BDNF: variants seen among roughly 807,000 people sequenced by gnomAD.
BDNF encodes brain derived neurotrophic factor.
Under a neutral mutation model 19.5 loss-of-function variants are expected in BDNF, and 1 was observed. The observed-to-expected ratio is 0.05, with a 90% CI of 0.02 to 0.24. BDNF has a LOEUF of 0.24. Ranked by LOEUF, BDNF falls within the 10% of genes least tolerant of loss-of-function variation. The pLI, the probability that BDNF is intolerant of heterozygous loss-of-function variation, is 1.00. For missense variants in BDNF, 195 were observed against 317.6 expected, an observed-to-expected ratio of 0.61 and a Z score of 2.93; for synonymous variants, 100 against 121.6, an observed-to-expected ratio of 0.82 and a Z score of 1.17.
In BDNF at chr11:27,656,508, C is replaced by T; in HGVS notation, c.*1313G>A. 1 of 979,404 alleles carries T rather than the reference C, an allele frequency of 1.0e-6. No individual in the cohort carries two copies. The highest frequency in any genetic ancestry group is 1.2e-6 in the Non-Finnish European group (1 of 824,128). The allele number at this position is 979,404 out of a possible 1,614,324, so 60.7% of individuals were successfully genotyped here. On this transcript the variant is annotated 3_prime_UTR_variant, in exon 2 of 2. Coordinates refer to ENST00000356660, the MANE Select transcript of BDNF (RefSeq NM_001709.5). ...CCTTCGTTTTGGAATGTCTCAAATA[C>T]CATGCCCCACCTCCACCTAGACCTT...
Position 27,656,519 on chromosome 11 carries a change from C to T in BDNF, c.*1302G>A. The T allele has an allele frequency of 1.0e-6, 1 of 983,682 alleles. No individual in the cohort carries two copies. The highest frequency in any genetic ancestry group is 1.2e-6 in the Non-Finnish European group (1 of 827,970). The allele number at this position is 983,682 out of a possible 1,614,324, so 60.9% of individuals were successfully genotyped here. Reference sequence around the variant, plus strand: ...GAATGTCTCAAATACCATGCCCCACCTCCACCTAGACCTTGGGATGGCCAC... The same window carrying T: ...GAATGTCTCAAATACCATGCCCCACTTCCACCTAGACCTTGGGATGGCCAC... On this transcript the variant is annotated 3_prime_UTR_variant, in exon 2 of 2. Coordinates refer to ENST00000356660, the MANE Select transcript of BDNF (RefSeq NM_001709.5).
chr11:27,720,847 G>A (rs1489188932), intron 1 of BDNF: 2 of 861,050 alleles, frequency 2.3e-6, no homozygotes, highest in Non-Finnish European at 2.8e-6. Context: ...AAGCCATCCT[G>A]TTAATAGTTG....
intron 1 of BDNF, chr11:27,676,025 C>G (rs1351479229): frequency 6.6e-6 from 1 of 152,252 alleles, no homozygotes; most frequent in Non-Finnish European, 1.5e-5. Context: ...GCACAAAAGA[C>G]AGAACACCTT....
At chr11:27,673,956 C>A in intron 1 of BDNF, 5 of 1,334,162 alleles carry the variant, frequency 3.7e-6, no homozygotes, top group Non-Finnish European at 5.0e-6. Flanking sequence ...AGGTAAGTTG[C>A]CTCTAGAGAC....
chr11:27,707,046 T>C (rs887249008), intron 1 of BDNF, among the ~76,000 whole-genome samples: 5 of 152,228 alleles, frequency 3.3e-5, no homozygotes, highest in Non-Finnish European at 7.3e-5. Context: ...TGTGCTTTCA[T>C]ATTCTCAGGT....
chr11:27,657,957 T>A lies in BDNF; in HGVS notation c.608A>T (p.His203Leu). 2 of 1,614,158 alleles carry A rather than the reference T, an allele frequency of 1.2e-6. No homozygotes were observed. Among genetic ancestry groups the A allele is most frequent in the South Asian group, 2.2e-5 (2 of 91,078 alleles). The part of the protein sequence containing the change: ...KEGCRGIDKR[H>L]WNSQCRTTQS... The stretch of plus-strand genomic sequence containing the variant: ...GGTAGTTCGGCACTGGGAGTTCCAA[T>A]GCCTTTTGTCTATGCCCCTGCAGCC... Residue 203 changes from histidine to leucine, a missense_variant, in exon 2 of 2, where the codon CAT becomes CTT. Around this residue, in one of 2 missense-constraint regions of BDNF, gnomAD observed 71 missense variants for 162.6 expected, o/e 0.44. Transcript: ENST00000356660. The surrounding 1 kb of genome is among the most constrained non-coding windows in gnomAD (Gnocchi z 5.0).
At chr11:27,705,935 G>GT (rs1860090319) in intron 1 of BDNF, among the ~76,000 whole-genome samples, 1 of 152,208 alleles carries the variant, frequency 6.6e-6, no homozygotes, top group Non-Finnish European at 1.5e-5. Context: ...GGACATAAGA[G>GT]TTGTATTTTA....
chr11:27,657,235 A>AAAAC lies in BDNF; in HGVS notation c.*582_*585dup, dbSNP rs972055807. 1.0e-6 allele frequency: 1 copy of AAAAC among 986,828 alleles called. No individual in the cohort carries two copies. Among genetic ancestry groups the AAAAC allele is most frequent in the Non-Finnish European group, 1.2e-6 (1 of 830,462 alleles). The allele number at this position is 986,828 out of a possible 1,614,324, so 61.1% of individuals were successfully genotyped here. ...CTACTCCCTGTGGGAACTAAAAAAC[A>AAAAC]AAACAAACAAACGAAAAAAAAACAC... is the stretch of plus-strand genomic sequence containing the variant. On this transcript the variant is annotated 3_prime_UTR_variant, in exon 2 of 2. Coordinates refer to ENST00000356660, the MANE Select transcript of BDNF (RefSeq NM_001709.5). The surrounding 1 kb of genome is among the most constrained non-coding windows in gnomAD (Gnocchi z 5.0).
At chr11:27,683,949 A>G (rs907213936) in intron 1 of BDNF, among the ~76,000 whole-genome samples, 20 of 152,082 alleles carry the variant, frequency 1.3e-4, no homozygotes, top group African/African-American at 4.6e-4. Flanking sequence ...AAGAAAGTCA[A>G]TGGTAGCTTG....
chr11:27,721,606 C>T (rs1860740475), exon 1 of BDNF: 1 of 659,044 alleles, frequency 1.5e-6, no homozygotes, highest in East Asian at 2.7e-5. Flanking sequence ...CTCTCAACCA[C>T]CTTGGCGACT....
intron 1 of BDNF, chr11:27,677,644 T>C (rs1856331026): frequency 6.6e-6 from 1 of 152,166 alleles, no homozygotes; most frequent in Admixed American, 6.5e-5. Flanking sequence ...ATACAAATGA[T>C]CACCTTATAG....
chr11:27,696,867 C>G (rs1287102094), intron 1 of BDNF, among the ~76,000 whole-genome samples: 1 of 152,110 alleles, frequency 6.6e-6, no homozygotes, highest in African/African-American at 2.4e-5. Flanking sequence ...AATGGGAGTG[C>G]CTTTCTTCTC....
At position 27,656,977 on chromosome 11, in the gene BDNF, C is replaced by A; in HGVS notation, c.*844G>T. ...GGGGGAGGGGGGGAAAGAATGTGTT[C>A]TGAGCAAACATAGGTCCTTCCGTCA... On this transcript the variant is annotated 3_prime_UTR_variant, in exon 2 of 2. Transcript: ENST00000356660. The A allele has an allele frequency of 4.1e-6, 4 of 985,360 alleles. No homozygotes were observed. The highest frequency in any genetic ancestry group is 4.8e-6 in the Non-Finnish European group (4 of 829,950). 61.0% of individuals were successfully genotyped at this position (985,360 alleles called of 1,614,324 possible). A position where few individuals can be genotyped will look rare whatever the true frequency, so the allele number is the denominator to read the frequency against.
chr11:27,694,089 AT>A (rs1858660706), intron 1 of BDNF, among the ~76,000 whole-genome samples: 2 of 152,290 alleles, frequency 1.3e-5, no homozygotes, highest in African/African-American at 2.4e-5. Flanking sequence ...CTTACCAGAA[AT>A]TGGCACAAAT....
chr11:27,659,938 T>C (rs1853192223), intron 1 of BDNF, among the ~76,000 whole-genome samples: 1 of 152,180 alleles, frequency 6.6e-6, no homozygotes, highest in South Asian at 2.1e-4. Context: ...CGTCAGGTGG[T>C]GAAGGACTTC....
intron 1 of BDNF, among the ~76,000 whole-genome samples, chr11:27,688,745 G>C (rs1178873250): frequency 3.9e-5 from 6 of 152,142 alleles, no homozygotes; most frequent in African/African-American, 1.4e-4. Flanking sequence ...TGCACCCACT[G>C]TCTAACCAGT....
chr11:27,697,314 T>A (rs574603360), intron 1 of BDNF, among the ~76,000 whole-genome samples: 1 of 152,340 alleles, frequency 6.6e-6, no homozygotes, highest in South Asian at 2.1e-4. Flanking sequence ...GCTATTCATA[T>A]AAGAAATGAT....
At chr11:27,661,230 ACTGT>A (rs1336305894) in intron 1 of BDNF, among the ~76,000 whole-genome samples, 1 of 150,004 alleles carries the variant, frequency 6.7e-6, no homozygotes, top group East Asian at 2.0e-4. Context: ...ATTCTAACTA[ACTGT>A]CTACTCACTT....
intron 1 of BDNF, among the ~76,000 whole-genome samples, chr11:27,663,922 A>G (rs970887091): frequency 2.0e-5 from 3 of 152,162 alleles, no homozygotes; most frequent in African/African-American, 7.2e-5. Context: ...ATTTCAGACA[A>G]TGTGGTCTTT....
Sources: allele counts gnomAD v4.1 joint callset (sites outside exome capture counted in the v4.1 genomes callset), GRCh38; gene constraint gnomAD v4.1.1; regional missense constraint gnomAD v4.1.1; non-coding constraint Gnocchi (gnomAD v3.1); transcripts MANE v1.5; gene names NCBI Gene and HGNC (gene_info 2026-07-23, HGNC 2026-07-21).